The following ACMSD variants were observed in gnomAD, a reference collection of about 807,000 sequenced individuals.
ACMSD encodes the protein aminocarboxymuconate semialdehyde decarboxylase, also known as 2-amino-3-carboxymuconate-6-semialdehyde decarboxylase.
A neutral mutation model predicts 45.9 loss-of-function variants in ACMSD; 37 were observed. That is an observed-to-expected ratio of 0.81 (90% CI 0.62 to 1.06). The LOEUF (loss-of-function observed/expected upper bound fraction) is 1.06, where lower values mean the gene tolerates loss of function less well. Among genes scored for constraint, ACMSD ranks in the 50% least tolerant of loss-of-function variants. The probability of loss-of-function intolerance (pLI) is 0.00; values close to 1 mark genes in which losing one functional copy is unlikely to be tolerated. For synonymous variants in ACMSD, 138 were observed against 148.8 expected (o/e 0.93, Z 0.53); for missense variants, 434 against 420.9 (o/e 1.03, Z -0.27).
intron 5 of ACMSD, among the ~76,000 whole-genome samples, chr2:134,866,306 A>G (rs1054080693): frequency 2.6e-5 from 4 of 152,184 alleles, no homozygotes; most frequent in African/African-American, 7.2e-5. Context: ...AAATTTTAAA[A>G]AGAAAAGAAC....
At chr2:134,887,180 C>G (rs1559066541) in intron 8 of ACMSD, among the ~76,000 whole-genome samples, 1 of 152,046 alleles carries the variant, frequency 6.6e-6, no homozygotes, top group Non-Finnish European at 1.5e-5. Context: ...TCTATAGAGT[C>G]AATGTAATCC....
chr2:134,883,402 G>T (rs1023295725), intron 8 of ACMSD, among the ~76,000 whole-genome samples: 3 of 152,156 alleles, frequency 2.0e-5, no homozygotes, highest in Non-Finnish European at 4.4e-5. Flanking sequence ...GTCATCCAAG[G>T]CCATATCATA....
At chr2:134,848,388 C>T (rs1450133502) in intron 2 of ACMSD, among the ~76,000 whole-genome samples, 4 of 152,060 alleles carry the variant, frequency 2.6e-5, no homozygotes, top group Non-Finnish European at 5.9e-5. Context: ...TAACTTACAC[C>T]CCCACCAACA....
chr2:134,840,190 AAAAC>A lies in ACMSD; in HGVS notation c.57+1452_57+1455del, dbSNP rs1467925117. Among the ~76,000 whole-genome samples, 450 of 127,846 alleles carry A rather than the reference AAAAC, an allele frequency of 3.5e-3. 40 individuals are homozygous for A. The highest frequency in any genetic ancestry group is 0.022 in the Middle Eastern group (5 of 230). The allele number at this position is 127,846 out of a possible 152,430, so 83.9% of individuals were successfully genotyped here. ...AGCAAAAAAAAAAAAAAAAAAAAAA[AAAAC>A]CACTAATTCCTCTGTTACAGCTTTT... On this transcript the variant is annotated intron_variant, in intron 1 of 9. Coordinates refer to ENST00000356140, the MANE Select transcript of ACMSD (RefSeq NM_138326.3).
At chr2:134,871,201 T>C in intron 7 of ACMSD, 141 bp downstream of exon 7, 1 of 728,858 alleles carries the variant, frequency 1.4e-6, no homozygotes, top group Non-Finnish European at 2.3e-6. Context: ...AGGGTTGGTT[T>C]CTAGTGAGGG....
In ACMSD at chr2:134,901,703, TG is replaced by T. The variant is rs1573743193; in HGVS notation, c.949-91del. On this transcript the variant is annotated intron_variant, in intron 9 of 9. Coordinates refer to ENST00000356140, the MANE Select transcript of ACMSD (RefSeq NM_138326.3). ...ACCTGCTAGTATTTTTCTCTCATAT[TG>T]GGGAGCTGATTTTTTTAAACCTGAT... is the stretch of plus-strand genomic sequence containing the variant. The T allele has an allele frequency of 1.3e-5, 10 of 760,292 alleles. No individual in the cohort carries two copies. The East Asian group carries it at 2.9e-4, about 22-fold the overall frequency. The allele number at this position is 760,292 out of a possible 1,614,324, so 47.1% of individuals were successfully genotyped here. A position where few individuals can be genotyped will look rare whatever the true frequency, so the allele number is the denominator to read the frequency against.
chr2:134,901,685 A>G, intron 9 of ACMSD, 113 bp from the exon 10 acceptor site: 1 of 592,702 alleles, frequency 1.7e-6, no homozygotes, highest in Non-Finnish European at 2.8e-6. Flanking sequence ...ATAACCTGCT[A>G]GTATTTTTCT....
intron 5 of ACMSD, among the ~76,000 whole-genome samples, chr2:134,866,608 T>G (rs368000616): frequency 1.3e-5 from 2 of 152,220 alleles, no homozygotes; most frequent in African/African-American, 4.8e-5. Flanking sequence ...AAAATGCTTA[T>G]GTACACAAGT....
Position 134,867,586 on chromosome 2 carries a change from A to G in ACMSD, c.494A>G (p.Glu165Gly), listed in dbSNP as rs765305986. Residue 165 changes from glutamate to glycine, a missense_variant, in exon 6 of 10, where the codon GAA (glutamate) becomes GGA (glycine). Transcript: ENST00000356140. ...QELFPVYAAA[E>G]RLKCSLFVHP... ...CTCATTGCTTCTTTGAAGGCAGCCG[A>G]AAGGCTGAAGTGTTCCCTGTTCGTG... The G allele has an allele frequency of 1.2e-6, 2 of 1,613,558 alleles. No homozygotes were observed. The highest frequency in any genetic ancestry group is 3.3e-5 in the Admixed American group (2 of 59,980).
chr2:134,875,078 G>A (rs745845660), intron 8 of ACMSD, among the ~76,000 whole-genome samples: 1 of 152,170 alleles, frequency 6.6e-6, no homozygotes, highest in Non-Finnish European at 1.5e-5. Context: ...ACAGCTCACT[G>A]CAACCTCCAC....
In ACMSD at chr2:134,888,914, A is replaced by G. The variant is rs1346414054; in HGVS notation, c.850-9427A>G. On this transcript the variant is annotated intron_variant, in intron 8 of 9. Coordinates refer to ENST00000356140, the MANE Select transcript of ACMSD (RefSeq NM_138326.3). ...GGTGATGAAAATGTGCTGTATTTTGATAGGGATGTGGGCAATGCCAGTGTA... is the reference window on the plus strand; with the variant it reads ...GGTGATGAAAATGTGCTGTATTTTGGTAGGGATGTGGGCAATGCCAGTGTA... 3.9e-5 allele frequency among the ~76,000 whole-genome samples: 6 copies of G among 152,318 alleles called. No individual in the cohort carries two copies. The East Asian group carries it at 1.2e-3, about 29-fold the overall frequency.
At chr2:134,849,086 G>A (rs1687210355) in intron 2 of ACMSD, among the ~76,000 whole-genome samples, 1 of 152,164 alleles carries the variant, frequency 6.6e-6, no homozygotes, top group Non-Finnish European at 1.5e-5. Flanking sequence ...CCCAGCTGCA[G>A]GGACAGGCAG....
chr2:134,892,084 G>A (rs1324373169), intron 8 of ACMSD, among the ~76,000 whole-genome samples: 1 of 152,100 alleles, frequency 6.6e-6, no homozygotes, highest in African/African-American at 2.4e-5. Context: ...GGAAGGGTGG[G>A]AGGGTGGATG....
At position 134,838,676 on chromosome 2, in the gene ACMSD, T is replaced by C. The variant is rs1686643323; in HGVS notation, c.-7T>C. On this transcript the variant is annotated 5_prime_UTR_variant, in exon 1 of 10. Transcript: ENST00000356140. ...CTTTCCTTGCATGCTTCTCTGATCC[T>C]GTGGAGATGAAAATTGACATCCATA... is the stretch of plus-strand genomic sequence containing the variant. 1.2e-6 allele frequency: 2 copies of C among 1,606,292 alleles called. No homozygotes were observed. The highest frequency in any genetic ancestry group is 1.7e-6 in the Non-Finnish European group (2 of 1,175,918).
At chr2:134,851,086 A>G (rs1687318972) in intron 2 of ACMSD, among the ~76,000 whole-genome samples, 1 of 152,190 alleles carries the variant, frequency 6.6e-6, no homozygotes, top group Non-Finnish European at 1.5e-5. Context: ...GATTAGGATA[A>G]TGGCCTCCAG....
At chr2:134,896,635 T>A (rs747293728) in intron 8 of ACMSD, among the ~76,000 whole-genome samples, 3 of 152,106 alleles carry the variant, frequency 2.0e-5, no homozygotes, top group African/African-American at 7.2e-5. Flanking sequence ...ATGGCCATAA[T>A]CAAAAAGATG....
chr2:134,845,406 G>T, intron 2 of ACMSD, 129 bp downstream of exon 2: 1 of 945,672 alleles, frequency 1.1e-6, no homozygotes, highest in Admixed American at 1.9e-5. Flanking sequence ...TTGTAGACAA[G>T]GGAACAGCAC....
At chr2:134,876,574 C>G (rs187589001) in intron 8 of ACMSD, among the ~76,000 whole-genome samples, 1 of 152,190 alleles carries the variant, frequency 6.6e-6, no homozygotes, top group Non-Finnish European at 1.5e-5. Flanking sequence ...AATAACACAG[C>G]TGGAGCTGTC....
At chr2:134,844,061 G>A (rs1350929563) in intron 1 of ACMSD, among the ~76,000 whole-genome samples, 1 of 152,208 alleles carries the variant, frequency 6.6e-6, no homozygotes, top group African/African-American at 2.4e-5. Context: ...AGTAAGGCTT[G>A]TCATAGATGG....
Sources: gnomAD v4.1 joint callset for allele counts (sites outside exome capture counted in the v4.1 genomes callset) on GRCh38, gnomAD v4.1.1 for gene constraint, MANE v1.5 for transcripts, NCBI Gene and HGNC (gene_info 2026-07-23, HGNC 2026-07-21) for gene names.